Variants in ABI3BP observed in about 807,000 individuals in gnomAD.
The protein encoded by ABI3BP is target of Nesh-SH3.
Under a neutral mutation model 268.6 loss-of-function variants are expected in ABI3BP, and 216 were observed. The observed-to-expected ratio is 0.80, with a 90% CI of 0.72 to 0.90. The LOEUF is 0.90. ABI3BP is among the 40% of genes least tolerant of loss of function. The probability of loss-of-function intolerance (pLI) is 0.00; values close to 1 mark genes in which losing one functional copy is unlikely to be tolerated. For synonymous variants in ABI3BP, 730 were observed against 730.0 expected (o/e 1.00, Z 0.00); for missense variants, 2,090 against 2,182.4 (o/e 0.96, Z 0.84).
intron 14 of ABI3BP, among the ~76,000 whole-genome samples, chr3:100,858,061 T>C (rs978074451): frequency 2.0e-5 from 3 of 152,234 alleles, no homozygotes; most frequent in African/African-American, 7.2e-5. Context: ...CCAATTTTAT[T>C]GCATCATCAG....
intron 57 of ABI3BP, among the ~76,000 whole-genome samples, chr3:100,786,002 A>G (rs892481593): frequency 1.3e-5 from 2 of 152,072 alleles, no homozygotes; most frequent in Non-Finnish European, 2.9e-5. Flanking sequence ...TTTGGTTGCT[A>G]TAAATTACTG....
intron 2 of ABI3BP, chr3:100,912,130 G>C (rs549927410): frequency 6.8e-5 from 36 of 530,682 alleles, no homozygotes; most frequent in Non-Finnish European, 1.0e-4. Flanking sequence ...GTTGTGTAAG[G>C]CAAGCTGGTC....
intron 2 of ABI3BP, among the ~76,000 whole-genome samples, chr3:100,922,278 A>G (rs995348284): frequency 1.1e-4 from 17 of 152,200 alleles, no homozygotes; most frequent in African/African-American, 4.1e-4. Flanking sequence ...TTTTAAACAT[A>G]CAGCTTGTGG....
At chr3:100,912,291 A>AAAAAAAC (rs2056932470) in intron 2 of ABI3BP, 1 of 155,706 alleles carries the variant, frequency 6.4e-6, no homozygotes, top group Admixed American at 6.5e-5. Flanking sequence ...AAAAAAAAAA[A>AAAAAAAC]AAAAAAAAAA....
chr3:100,814,985 T>C (rs1014203251), intron 44 of ABI3BP, among the ~76,000 whole-genome samples: 2 of 152,164 alleles, frequency 1.3e-5, no homozygotes, highest in African/African-American at 4.8e-5. Flanking sequence ...TTCAAGCTTA[T>C]TGTCATACCT....
intron 53 of ABI3BP, among the ~76,000 whole-genome samples, chr3:100,795,480 A>T (rs754480458): frequency 3.9e-5 from 6 of 152,056 alleles, no homozygotes; most frequent in Non-Finnish European, 8.8e-5. Flanking sequence ...ACATACTAGT[A>T]TGTTACATTA....
chr3:100,902,222 G>C (rs551476711), intron 3 of ABI3BP, among the ~76,000 whole-genome samples: 6 of 152,110 alleles, frequency 3.9e-5, no homozygotes, highest in Admixed American at 2.0e-4. Context: ...CATCTGAAAG[G>C]CACAATAGTG....
intron 14 of ABI3BP, among the ~76,000 whole-genome samples, chr3:100,856,420 A>G (rs1005611933): frequency 1.3e-5 from 2 of 152,188 alleles, no homozygotes; most frequent in African/African-American, 4.8e-5. Context: ...ATCTAATGGA[A>G]AAACTGAAGC....
chr3:100,837,850 A>G (rs950758035), intron 26 of ABI3BP, among the ~76,000 whole-genome samples: 3 of 152,230 alleles, frequency 2.0e-5, no homozygotes, highest in African/African-American at 7.2e-5. Flanking sequence ...AGTTGTGCCT[A>G]TAAATGAAGA....
chr3:100,950,337 A>C (rs2074400487), intron 1 of ABI3BP, among the ~76,000 whole-genome samples: 1 of 152,174 alleles, frequency 6.6e-6, no homozygotes, highest in South Asian at 2.1e-4. Flanking sequence ...TAAACAAATG[A>C]GTCTCTTCAA....
At chr3:100,924,837 A>G (rs564005544) in intron 2 of ABI3BP, among the ~76,000 whole-genome samples, 1 of 152,260 alleles carries the variant, frequency 6.6e-6, no homozygotes, top group East Asian at 1.9e-4. Context: ...AGAGCTTACA[A>G]TTGACCCAAA....
At chr3:100,811,679 A>G (rs2097863470) in intron 47 of ABI3BP, 49 bp downstream of exon 47, 1 of 1,500,164 alleles carries the variant, frequency 6.7e-7, no homozygotes, top group South Asian at 1.2e-5. Flanking sequence ...ACTGATGTTA[A>G]TTTAAAATGT....
chr3:100,757,222 T>C (rs961312856), intron 63 of ABI3BP, among the ~76,000 whole-genome samples: 7 of 151,964 alleles, frequency 4.6e-5, no homozygotes, highest in African/African-American at 1.7e-4. Flanking sequence ...GGAAAGGAGA[T>C]AGAAAATTAT....
At chr3:100,773,077 C>CAAAAA (rs563600769) in intron 61 of ABI3BP, among the ~76,000 whole-genome samples, 4 of 58,056 alleles carry the variant, frequency 6.9e-5, no homozygotes, top group African/African-American at 2.0e-4. Context: ...GAGTCCATCT[C>CAAAAA]AAAAAAAAAA....
intron 48 of ABI3BP, 135 bp downstream of exon 48, chr3:100,811,095 T>G: frequency 1.5e-6 from 1 of 687,608 alleles, no homozygotes. Context: ...TAGGAGCACC[T>G]TGAAAGAAAA....
chr3:100,976,216 A>G (rs1445496605), intron 1 of ABI3BP, among the ~76,000 whole-genome samples: 1 of 152,176 alleles, frequency 6.6e-6, no homozygotes, highest in Admixed American at 6.5e-5. Context: ...TTCTTCAAAA[A>G]TATATTCATA....
At chr3:100,873,975 A>G (rs906325398) in intron 9 of ABI3BP, among the ~76,000 whole-genome samples, 2 of 152,208 alleles carry the variant, frequency 1.3e-5, no homozygotes, top group Non-Finnish European at 2.9e-5. Flanking sequence ...CTCAGGGAAT[A>G]CATTCTGTAT....
chr3:100,864,765 G>T, intron 11 of ABI3BP, 68 bp downstream of exon 11: 1 of 1,218,716 alleles, frequency 8.2e-7, no homozygotes, highest in Non-Finnish European at 1.1e-6. Context: ...TTTCTTTTCT[G>T]TGAGTCCTGG....
intron 4 of ABI3BP, among the ~76,000 whole-genome samples, chr3:100,892,638 C>T (rs1399854249): frequency 2.6e-5 from 4 of 152,182 alleles, no homozygotes; most frequent in African/African-American, 9.7e-5. Context: ...CTCTGTAGAA[C>T]AGCAACAAAA....
Sources: gnomAD v4.1 joint callset for allele counts (sites outside exome capture counted in the v4.1 genomes callset) on GRCh38, gnomAD v4.1.1 for gene constraint, MANE v1.5 for transcripts, NCBI Gene and HGNC (gene_info 2026-07-23, HGNC 2026-07-21) for gene names.